The following EPC2 variants were observed in gnomAD, a reference collection of about 807,000 sequenced individuals.
The protein encoded by EPC2 is enhancer of polycomb homolog 2.
A neutral mutation model predicts 92.1 loss-of-function variants in EPC2; 14 were observed. The ratio of observed to expected loss-of-function variants is 0.15; its 90% CI spans 0.10 to 0.24. EPC2 has a LOEUF of 0.24. Among genes scored for constraint, EPC2 ranks in the 10% least tolerant of loss-of-function variants. The pLI, the probability that EPC2 is intolerant of heterozygous loss-of-function variation, is 1.00. For synonymous variants in EPC2, 340 were observed against 334.7 expected (o/e 1.02, Z -0.17); for missense variants, 755 against 971.5 (o/e 0.78, Z 2.96).
chr2:148,682,877 T>C (rs1042358805), intron 1 of EPC2, among the ~76,000 whole-genome samples: 1 of 152,178 alleles, frequency 6.6e-6, no homozygotes, highest in African/African-American at 2.4e-5. Flanking sequence ...TCTCTGCTAC[T>C]CCCATTCTTT....
chr2:148,723,756 G>A (rs184014890), intron 2 of EPC2, among the ~76,000 whole-genome samples: 283 of 151,914 alleles, frequency 1.9e-3, no homozygotes, highest in African/African-American at 6.6e-3. Flanking sequence ...CCATATCGTC[G>A]TCTTTGTAAT....
At chr2:148,731,394 A>G (rs980528890) in intron 2 of EPC2, among the ~76,000 whole-genome samples, 1 of 152,120 alleles carries the variant, frequency 6.6e-6, no homozygotes, top group Non-Finnish European at 1.5e-5. Context: ...TAATTTCCAG[A>G]AGTAAATATT....
At chr2:148,679,921 A>G (rs564288776) in intron 1 of EPC2, among the ~76,000 whole-genome samples, 25 of 152,294 alleles carry the variant, frequency 1.6e-4, no homozygotes, top group Non-Finnish European at 3.4e-4. Context: ...TGTTGGGATT[A>G]TAGACATAAG....
intron 4 of EPC2, among the ~76,000 whole-genome samples, chr2:148,757,552 T>C (rs1345835662): frequency 1.3e-5 from 2 of 151,904 alleles, no homozygotes; most frequent in Non-Finnish European, 2.9e-5. Flanking sequence ...AAATACTGTT[T>C]TTTGGCTGGG....
intron 8 of EPC2, among the ~76,000 whole-genome samples, chr2:148,770,008 A>G (rs894934193): frequency 1.8e-4 from 27 of 152,134 alleles, no homozygotes; most frequent in African/African-American, 6.5e-4. Context: ...ATGGGAAGGC[A>G]GGGAACAGCT....
intron 1 of EPC2, among the ~76,000 whole-genome samples, chr2:148,688,161 A>G (rs1435955794): frequency 6.6e-5 from 10 of 152,222 alleles, no homozygotes; most frequent in Non-Finnish European, 2.9e-5. Flanking sequence ...GAACCAACCC[A>G]AATGTCCAAC....
intron 4 of EPC2, among the ~76,000 whole-genome samples, chr2:148,757,518 G>A (rs1359615061): frequency 6.6e-6 from 1 of 152,108 alleles, no homozygotes; most frequent in African/African-American, 2.4e-5. Flanking sequence ...AAATGGGCAT[G>A]TCTAGCATGT....
At chr2:148,648,180 A>C (rs1367242526) in intron 1 of EPC2, among the ~76,000 whole-genome samples, 1 of 152,274 alleles carries the variant, frequency 6.6e-6, no homozygotes, top group African/African-American at 2.4e-5. Flanking sequence ...GTAACAGTTA[A>C]GATTTATAGT....
chr2:148,695,502 C>G (rs1046884739), intron 2 of EPC2, among the ~76,000 whole-genome samples: 1 of 152,196 alleles, frequency 6.6e-6, no homozygotes, highest in Non-Finnish European at 1.5e-5. Context: ...ATAAAGTGGA[C>G]CTGTGTATAC....
At chr2:148,759,219 A>G (rs1683251974) in intron 4 of EPC2, among the ~76,000 whole-genome samples, 1 of 152,038 alleles carries the variant, frequency 6.6e-6, no homozygotes, top group African/African-American at 2.4e-5. Flanking sequence ...CAGCCTCCCA[A>G]GTAGCTGGGA....
At chr2:148,659,896 A>T (rs1393117463) in intron 1 of EPC2, among the ~76,000 whole-genome samples, 1 of 152,166 alleles carries the variant, frequency 6.6e-6, no homozygotes, top group East Asian at 1.9e-4. Context: ...AAAGGTACTC[A>T]GCCACCTAAG....
intron 2 of EPC2, among the ~76,000 whole-genome samples, chr2:148,736,879 C>G (rs961786435): frequency 6.6e-6 from 1 of 151,500 alleles, no homozygotes; most frequent in Non-Finnish European, 1.5e-5. Flanking sequence ...GCAGGCAGAT[C>G]GCTTCAGCCT....
intron 1 of EPC2, among the ~76,000 whole-genome samples, chr2:148,688,258 T>C (rs1681569434): frequency 6.6e-6 from 1 of 152,156 alleles, no homozygotes; most frequent in Non-Finnish European, 1.5e-5. Context: ...ATGTCCTTTG[T>C]AGGGACATGG....
intron 10 of EPC2, among the ~76,000 whole-genome samples, chr2:148,778,670 A>G (rs1291926503): frequency 6.6e-6 from 1 of 151,984 alleles, no homozygotes; most frequent in Non-Finnish European, 1.5e-5. Flanking sequence ...GTTAGAAAGG[A>G]TGTTTTGTAT....
In EPC2 at chr2:148,715,261, C is replaced by T. The variant is rs1025783385; in HGVS notation, c.313+24888C>T. The stretch of plus-strand genomic sequence containing the variant: ...TGTTAGCCAGGATTATCTTGATCTC[C>T]TGACCTTGTGGTCTGCCCACCTCGG... On this transcript the variant is annotated intron_variant, in intron 2 of 13. Transcript: ENST00000258484. Among the ~76,000 whole-genome samples the T allele has an allele frequency of 2.0e-5, 3 of 152,176 alleles. No homozygotes were observed. In the East Asian group the frequency reaches 5.8e-4, roughly 29 times the overall value.
intron 1 of EPC2, among the ~76,000 whole-genome samples, chr2:148,658,791 T>C (rs1680871203): frequency 6.6e-6 from 1 of 151,892 alleles, no homozygotes; most frequent in Admixed American, 6.6e-5. Flanking sequence ...ACTTATGCAA[T>C]GATAAGTGAT....
chr2:148,680,415 G>T (rs1183484318), intron 1 of EPC2, among the ~76,000 whole-genome samples: 1 of 152,120 alleles, frequency 6.6e-6, no homozygotes, highest in Non-Finnish European at 1.5e-5. Context: ...TTTAATAGGT[G>T]TTCTCAAGTG....
chr2:148,716,262 G>A (rs1047115668), intron 2 of EPC2, among the ~76,000 whole-genome samples: 2 of 152,142 alleles, frequency 1.3e-5, no homozygotes, highest in African/African-American at 4.8e-5. Context: ...ATTCTATGTT[G>A]AATAGGAGTG....
chr2:148,646,742 A>G (rs1683811244), intron 1 of EPC2, among the ~76,000 whole-genome samples: 1 of 152,104 alleles, frequency 6.6e-6, no homozygotes, highest in South Asian at 2.1e-4. Flanking sequence ...GTGGGTCTTG[A>G]TCCAAAGAAA....
Sources: allele counts gnomAD v4.1 joint callset (sites outside exome capture counted in the v4.1 genomes callset), GRCh38; gene constraint gnomAD v4.1.1; transcripts MANE v1.5; gene names NCBI Gene and HGNC (gene_info 2026-07-23, HGNC 2026-07-21).